SORCS1: variants seen among roughly 807,000 people sequenced by gnomAD.
The protein encoded by SORCS1 is sortilin related VPS10 domain containing receptor 1, also known as VPS10 domain-containing receptor SorCS1.
SORCS1 carries 60 observed loss-of-function variants against 146.1 expected under a neutral mutation model. The observed-to-expected ratio is 0.41, with a 90% confidence interval of 0.33 to 0.51. The LOEUF (loss-of-function observed/expected upper bound fraction) is 0.51, where lower values mean the gene tolerates loss of function less well. Among genes scored for constraint, SORCS1 ranks in the 20% least tolerant of loss-of-function variants. The pLI, the probability that SORCS1 is intolerant of heterozygous loss-of-function variation, is 0.21. For missense variants in SORCS1, 1,352 were observed against 1,487.6 expected, an observed-to-expected ratio of 0.91 and a Z score of 1.50; for synonymous variants, 637 against 584.0, an observed-to-expected ratio of 1.09 and a Z score of -1.31.
intron 1 of SORCS1, among the ~76,000 whole-genome samples, chr10:107,125,026 C>T (rs529516877): frequency 6.2e-4 from 91 of 145,810 alleles, no homozygotes; most frequent in African/African-American, 2.2e-3. Flanking sequence ...GATCTCGGCT[C>T]ACTGCAACCT....
chr10:107,091,556 G>A (rs1036702893), intron 1 of SORCS1, among the ~76,000 whole-genome samples: 3 of 152,156 alleles, frequency 2.0e-5, no homozygotes, highest in African/African-American at 7.2e-5. Context: ...CTGTTTTAAA[G>A]TCATCTTTAA....
chr10:106,962,897 G>A (rs1482391663), intron 1 of SORCS1, among the ~76,000 whole-genome samples: 1 of 152,104 alleles, frequency 6.6e-6, no homozygotes, highest in Non-Finnish European at 1.5e-5. Flanking sequence ...CTTACAGCAG[G>A]CCTTAGTGTT....
chr10:106,740,503 G>T (rs1857288592), intron 5 of SORCS1, among the ~76,000 whole-genome samples: 1 of 152,124 alleles, frequency 6.6e-6, no homozygotes, highest in Admixed American at 6.5e-5. Context: ...ACCTTGTGAA[G>T]CTTACAATTC....
intron 21 of SORCS1, among the ~76,000 whole-genome samples, chr10:106,612,514 A>G (rs1420482446): frequency 6.6e-6 from 1 of 151,602 alleles, no homozygotes; most frequent in Non-Finnish European, 1.5e-5. Context: ...TAGACAGGGA[A>G]AAAACTGGCC....
Position 106,577,066 on chromosome 10 carries a change from T to G in SORCS1, c.*354A>C. The G allele has an allele frequency of 1.9e-6, 1 of 517,198 alleles. No individual in the cohort carries two copies. Among genetic ancestry groups the G allele is most frequent in the Non-Finnish European group, 3.1e-6 (1 of 324,686 alleles). The allele number at this position is 517,198 out of a possible 1,614,324, so 32.0% of individuals were successfully genotyped here. On this transcript the variant is annotated 3_prime_UTR_variant, in exon 26 of 26. Transcript: ENST00000263054. Reference sequence around the variant, plus strand: ...ACATGTTCTCAGAGTATTGTCCACATGCACAGGCTTAAAGCTAAAAACCCT... The same window carrying G: ...ACATGTTCTCAGAGTATTGTCCACAGGCACAGGCTTAAAGCTAAAAACCCT...
intron 2 of SORCS1, among the ~76,000 whole-genome samples, chr10:106,853,937 G>A (rs1793081155): frequency 1.3e-5 from 2 of 151,858 alleles, no homozygotes; most frequent in African/African-American, 2.4e-5. Context: ...TTGGTGTTAG[G>A]TGATATTGTC....
At chr10:106,937,862 G>A (rs186717619) in intron 2 of SORCS1, among the ~76,000 whole-genome samples, 1 of 151,922 alleles carries the variant, frequency 6.6e-6, no homozygotes, top group African/African-American at 2.4e-5. Flanking sequence ...TACTTGGGAG[G>A]CTGAGGCAGG....
intron 9 of SORCS1, among the ~76,000 whole-genome samples, chr10:106,694,380 C>T (rs994806962): frequency 6.6e-6 from 1 of 152,186 alleles, no homozygotes. Context: ...CTGCCTCAGC[C>T]TCCCAAGTAG....
Position 106,652,472 on chromosome 10 carries a change from T to C in SORCS1, c.2385A>G (p.Lys795=). The C allele has an allele frequency of 6.2e-7, 1 of 1,614,114 alleles. No individual in the cohort carries two copies. Among genetic ancestry groups the C allele is most frequent in the Non-Finnish European group, 8.5e-7 (1 of 1,179,998 alleles). The change falls in exon 18 of 26, where the codon AAA becomes AAG. Residue 795 remains lysine (K), a synonymous_variant. Coordinates refer to ENST00000263054, the MANE Select transcript of SORCS1 (RefSeq NM_052918.5). The part of the protein sequence containing the change: ...YTAKPQKCPG[K]APRGLRIVTA... ...TGACTATCCGCAGCCCCCGCGGGGCTTTCCCTGGGCACTTCTGCGGTTTGG... is the reference window on the plus strand; with the variant it reads ...TGACTATCCGCAGCCCCCGCGGGGCCTTCCCTGGGCACTTCTGCGGTTTGG...
intron 1 of SORCS1, among the ~76,000 whole-genome samples, chr10:107,096,836 T>C (rs1964576708): frequency 6.6e-6 from 1 of 152,114 alleles, no homozygotes; most frequent in Admixed American, 6.6e-5. Context: ...AAAGGCCAAA[T>C]TCCTAACAAA....
At chr10:107,052,356 G>A (rs1224777776) in intron 1 of SORCS1, among the ~76,000 whole-genome samples, 2 of 152,154 alleles carry the variant, frequency 1.3e-5, no homozygotes, top group East Asian at 3.9e-4. Context: ...ACTGAACCTT[G>A]AGAGGTATCA....
intron 1 of SORCS1, among the ~76,000 whole-genome samples, chr10:106,999,199 T>C (rs1414322251): frequency 6.6e-6 from 1 of 151,856 alleles, no homozygotes; most frequent in Non-Finnish European, 1.5e-5. Flanking sequence ...CACACGAACA[T>C]ACACACACAT....
chr10:106,941,845 CACAGGG>C (rs1196141251), intron 2 of SORCS1, among the ~76,000 whole-genome samples: 1 of 152,200 alleles, frequency 6.6e-6, no homozygotes, highest in Non-Finnish European at 1.5e-5. Context: ...ACAATGGTAT[CACAGGG>C]ACTGCCGGTT....
At chr10:106,935,698 C>A (rs1589742110) in intron 2 of SORCS1, among the ~76,000 whole-genome samples, 1 of 152,180 alleles carries the variant, frequency 6.6e-6, no homozygotes, top group Admixed American at 6.5e-5. Context: ...GACCAAGATT[C>A]TATGAAATAA....
At position 107,164,232 on chromosome 10, in the gene SORCS1, T is replaced by A; in HGVS notation, c.295A>T (p.Met99Leu). 4 of 1,607,864 alleles carry A rather than the reference T, an allele frequency of 2.5e-6. No individual in the cohort carries two copies. The highest frequency in any genetic ancestry group is 3.4e-6 in the Non-Finnish European group (4 of 1,179,762). Reference sequence around the variant, plus strand: ...CGGCCGGAGCGTGCAGCAACCGCCATGGATGCCCCAGTGCCCCGAGCCCGC... The same window carrying A: ...CGGCCGGAGCGTGCAGCAACCGCCAAGGATGCCCCAGTGCCCCGAGCCCGC... ...LERARGTGAS[M>L]AVAARSGRRR... The change falls in exon 1 of 26, where the codon ATG (methionine) becomes TTG (leucine). Residue 99 changes from methionine to leucine, a missense_variant. Physicochemically the swap from Met to Leu is conservative, Grantham distance 15. Around this residue, in one of 3 missense-constraint regions of SORCS1, gnomAD observed 490 missense variants for 489.1 expected, o/e 1.00. Coordinates refer to ENST00000263054, the MANE Select transcript of SORCS1 (RefSeq NM_052918.5). This position sits in a 1 kb window ranked among gnomAD's most constrained non-coding sequence, Gnocchi z 6.8.
At chr10:106,664,368 C>T (rs891405332) in intron 17 of SORCS1, among the ~76,000 whole-genome samples, 6 of 152,238 alleles carry the variant, frequency 3.9e-5, no homozygotes, top group East Asian at 1.9e-4. Context: ...ATGGGCCAGG[C>T]GCGGTGGCTC....
intron 6 of SORCS1, among the ~76,000 whole-genome samples, chr10:106,728,439 C>T (rs933669951): frequency 6.6e-6 from 1 of 152,174 alleles, no homozygotes; most frequent in Non-Finnish European, 1.5e-5. Context: ...ACCTGTTGAG[C>T]TCATTCTGTG....
intron 23 of SORCS1, among the ~76,000 whole-genome samples, chr10:106,603,365 C>G (rs752543642): frequency 2.0e-5 from 3 of 152,202 alleles, no homozygotes; most frequent in Non-Finnish European, 2.9e-5. Flanking sequence ...CTGGTGGAAC[C>G]CTCCCAGACA....
Position 106,575,753 on chromosome 10 carries a change from C to T in SORCS1, c.*1667G>A, listed in dbSNP as rs1844549918. The T allele has an allele frequency of 6.6e-6, 1 of 152,642 alleles. No homozygotes were observed. The highest frequency in any genetic ancestry group is 2.4e-5 in the African/African-American group (1 of 41,448). 9.5% of individuals were successfully genotyped at this position (152,642 alleles called of 1,614,324 possible). ...ATCATCCTAAATAATCAAACTCTCACCCTAATGTAAGACAAGACCCCCATT... is the reference window on the plus strand; with the variant it reads ...ATCATCCTAAATAATCAAACTCTCATCCTAATGTAAGACAAGACCCCCATT... On this transcript the variant is annotated 3_prime_UTR_variant, in exon 26 of 26. Coordinates refer to ENST00000263054, the MANE Select transcript of SORCS1 (RefSeq NM_052918.5).
Sources: gnomAD v4.1 joint callset for allele counts (sites outside exome capture counted in the v4.1 genomes callset) on GRCh38, gnomAD v4.1.1 for gene constraint, gnomAD v4.1.1 regional missense constraint, Gnocchi (gnomAD v3.1) non-coding constraint, MANE v1.5 for transcripts, NCBI Gene and HGNC (gene_info 2026-07-23, HGNC 2026-07-21) for gene names.